Variants in UNC13B observed in about 807,000 individuals in gnomAD.
The protein encoded by UNC13B is unc-13 homolog B.
In UNC13B, 144 loss-of-function variants were observed where a neutral mutation model predicts 211.0. The observed-to-expected ratio is 0.68, with a 90% CI of 0.60 to 0.78. The LOEUF is 0.78. Among genes scored for constraint, UNC13B ranks in the 30% least tolerant of loss-of-function variants. The pLI, the probability that UNC13B is intolerant of heterozygous loss-of-function variation, is 0.00. For synonymous variants in UNC13B, 709 were observed against 725.8 expected, an observed-to-expected ratio of 0.98 and a Z score of 0.37; for missense variants, 1,777 against 2,002.0, an observed-to-expected ratio of 0.89 and a Z score of 2.14.
chr9:35,311,274 C>T (rs935100864), intron 10 of UNC13B, among the ~76,000 whole-genome samples: 13 of 152,184 alleles, frequency 8.5e-5, no homozygotes, highest in African/African-American at 3.1e-4. Flanking sequence ...ACCCAGCCAG[C>T]ACTTGGGTTC....
intron 7 of UNC13B, among the ~76,000 whole-genome samples, chr9:35,267,346 G>C (rs538731442): frequency 3.3e-5 from 5 of 152,320 alleles, no homozygotes; most frequent in African/African-American, 1.2e-4. Flanking sequence ...CTCTGTGTCC[G>C]AGTGACTAAG....
In UNC13B at chr9:35,305,645, A is replaced by G; in HGVS notation, c.6241A>G (p.Ile2081Val). The G allele has an allele frequency of 2.5e-6, 1 of 399,038 alleles. No individual in the cohort carries two copies. The highest frequency in any genetic ancestry group is 4.4e-6 in the Non-Finnish European group (1 of 226,034). The allele number at this position is 399,038 out of a possible 1,614,324, so 24.7% of individuals were successfully genotyped here. A position where few individuals can be genotyped will look rare whatever the true frequency, so the allele number is the denominator to read the frequency against. ...EKEVPFRDHL[I>V]QQSPNSSFST... ...AGAGGTACCATTCAGAGACCATCTA[A>G]TCCAGCAGTCACCTAATTCATCTTT... The change falls in exon 9 of 40, where the codon ATC (isoleucine) becomes GTC (valine). Residue 2081 changes from isoleucine (I) to valine (V), a missense_variant. Transcript: ENST00000635942.
At chr9:35,360,812 T>A (rs1472706574) in intron 11 of UNC13B, 1 of 152,150 alleles carries the variant, frequency 6.6e-6, no homozygotes, top group African/African-American at 2.4e-5. Flanking sequence ...ATGCCACCAC[T>A]ACAGGCATAT....
rs181433085 is a variant in UNC13B at position 35,346,571 on chromosome 9, T to G, written c.9415-20376T>G. 1.1e-4 allele frequency among the ~76,000 whole-genome samples: 17 copies of G among 152,318 alleles called. No homozygotes were observed. In the East Asian group the frequency reaches 3.3e-3, roughly 29 times the overall value. ...TAAAGCTTTAATCTTTTTGATTAAT[T>G]CATTTTGTTTTGATGTGCTCCCTTT... On this transcript the variant is annotated intron_variant, in intron 11 of 39. Transcript: ENST00000635942.
intron 1 of UNC13B, among the ~76,000 whole-genome samples, chr9:35,204,638 G>T (rs959153477): frequency 1.3e-5 from 2 of 152,202 alleles, no homozygotes; most frequent in Non-Finnish European, 2.9e-5. Context: ...TACTGGGTTT[G>T]GGACTTGCGT....
At chr9:35,371,514 CTTCATCTAGCTGGTTGAAGATAAA>C (rs141375877) in intron 13 of UNC13B, among the ~76,000 whole-genome samples, 2,450 of 152,238 alleles carry the variant, frequency 0.016, 48 homozygotes, top group African/African-American at 0.056. Flanking sequence ...TCCACTAGCT[CTTCATCTAGCTGGTTGAAGATAAA>C]TTCTGATGCC....
In UNC13B at chr9:35,306,063, C is replaced by A; in HGVS notation, c.6659C>A (p.Ser2220Tyr). The change falls in exon 9 of 40, where the codon TCC becomes TAC. Residue 2220 changes from serine (S) to tyrosine (Y), a missense_variant. Transcript: ENST00000635942. Reference protein sequence around the residue: ...SSSTFSFFSLSFLDQKKETSG... With the variant: ...SSSTFSFFSLYFLDQKKETSG... ...TCTACTTTTAGTTTCTTCAGCTTGT[C>A]CTTTTTGGATCAAAAAAAGGAGACC... 2.5e-6 allele frequency: 1 copy of A among 398,934 alleles called. No individual in the cohort carries two copies. Among genetic ancestry groups the A allele is most frequent in the East Asian group, 3.6e-5 (1 of 28,054 alleles). 24.7% of individuals were successfully genotyped at this position (398,934 alleles called of 1,614,324 possible). A position where few individuals can be genotyped will look rare whatever the true frequency, so the allele number is the denominator to read the frequency against.
chr9:35,372,438 G>A (rs1187213959), intron 13 of UNC13B, among the ~76,000 whole-genome samples: 1 of 152,214 alleles, frequency 6.6e-6, no homozygotes, highest in Non-Finnish European at 1.5e-5. Flanking sequence ...GGGCTTGGCA[G>A]ATACATGGGC....
chr9:35,371,236 CCTT>C (rs1410504520), intron 13 of UNC13B, among the ~76,000 whole-genome samples: 1 of 152,138 alleles, frequency 6.6e-6, no homozygotes, highest in Non-Finnish European at 1.5e-5. Context: ...GTTTCTCCCT[CCTT>C]AGTTGACCGA....
intron 1 of UNC13B, among the ~76,000 whole-genome samples, chr9:35,218,727 A>G (rs1824397043): frequency 6.6e-6 from 1 of 151,176 alleles, no homozygotes; most frequent in Non-Finnish European, 1.5e-5. Context: ...TGCAGAGTTA[A>G]TGTTCGTGTT....
At chr9:35,217,396 GTTT>G (rs1232346601) in intron 1 of UNC13B, among the ~76,000 whole-genome samples, 3 of 139,320 alleles carry the variant, frequency 2.2e-5, no homozygotes. Context: ...TGTTTTTTTT[GTTT>G]TTTTTTTTTT....
chr9:35,297,743 G>A (rs1055818299), intron 8 of UNC13B, among the ~76,000 whole-genome samples: 4 of 151,560 alleles, frequency 2.6e-5, no homozygotes, highest in African/African-American at 9.7e-5. Flanking sequence ...TAGAGACGGG[G>A]TTTCACTGTG....
chr9:35,259,188 G>T (rs1827111938), intron 7 of UNC13B, 138 bp downstream of exon 7: 1 of 901,126 alleles, frequency 1.1e-6, no homozygotes, highest in African/African-American at 1.7e-5. Context: ...CATCTGTTCA[G>T]GCGCCTTTCT....
chr9:35,302,843 T>C lies in UNC13B; in HGVS notation c.3439T>C (p.Phe1147Leu). 1 of 398,702 alleles carries C rather than the reference T, an allele frequency of 2.5e-6. No homozygotes were observed. Among genetic ancestry groups the C allele is most frequent in the African/African-American group, 2.1e-5 (1 of 48,736 alleles). The allele number at this position is 398,702 out of a possible 1,614,324, so 24.7% of individuals were successfully genotyped here. A position where few individuals can be genotyped will look rare whatever the true frequency, so the allele number is the denominator to read the frequency against. Reference protein sequence around the residue: ...KTSKKNTQGSFLSGLFNRFSS... With the variant: ...KTSKKNTQGSLLSGLFNRFSS... ...TTCCAAGAAAAATACCCAAGGAAGC[T>C]TCCTTTCTGGCCTGTTTAATAGGTT... Residue 1147 changes from phenylalanine (F) to leucine (L), a missense_variant, in exon 9 of 40, where the codon TTC (phenylalanine) becomes CTC (leucine). By Grantham distance (22) the Phe-to-Leu change is conservative (BLOSUM62 0). Coordinates refer to ENST00000635942, the MANE Select transcript of UNC13B (RefSeq NM_001371189.2).
intron 7 of UNC13B, among the ~76,000 whole-genome samples, chr9:35,286,981 G>A (rs1365353774): frequency 2.0e-5 from 3 of 151,858 alleles, no homozygotes; most frequent in African/African-American, 7.3e-5. Flanking sequence ...TCTGTGAGTT[G>A]TCCTGCCTCA....
intron 11 of UNC13B, among the ~76,000 whole-genome samples, chr9:35,365,047 G>T (rs1833688194): frequency 6.6e-6 from 1 of 152,240 alleles, no homozygotes; most frequent in African/African-American, 2.4e-5. Flanking sequence ...GGCCCTAAGT[G>T]TGAAGGTACT....
chr9:35,312,497 G>C (rs1830227005), intron 10 of UNC13B, among the ~76,000 whole-genome samples: 1 of 152,192 alleles, frequency 6.6e-6, no homozygotes, highest in Non-Finnish European at 1.5e-5. Flanking sequence ...TATCAGGGCA[G>C]AGTTCCTGGT....
chr9:35,314,687 T>C lies in UNC13B; in HGVS notation c.9414+698T>C, dbSNP rs1830355701. On this transcript the variant is annotated intron_variant, in intron 11 of 39. Transcript: ENST00000635942. Reference sequence around the variant, plus strand: ...ACCCATTAAGTTATTTCTCTTTCCTTACCCGCTTCCACCCTTCTAAGTCTC... The same window carrying C: ...ACCCATTAAGTTATTTCTCTTTCCTCACCCGCTTCCACCCTTCTAAGTCTC... Among the ~76,000 whole-genome samples, 6 of 151,964 alleles carry C rather than the reference T, an allele frequency of 3.9e-5. No individual in the cohort carries two copies. In the South Asian group the frequency reaches 8.3e-4, roughly 21 times the overall value.
chr9:35,225,243 C>G (rs1824768389), intron 1 of UNC13B, among the ~76,000 whole-genome samples: 1 of 152,164 alleles, frequency 6.6e-6, no homozygotes, highest in Non-Finnish European at 1.5e-5. Flanking sequence ...TCACTTCAAC[C>G]TCTGCCTCCC....
Sources: allele counts gnomAD v4.1 joint callset (sites outside exome capture counted in the v4.1 genomes callset), GRCh38; gene constraint gnomAD v4.1.1; transcripts MANE v1.5; gene names NCBI Gene and HGNC (gene_info 2026-07-23, HGNC 2026-07-21).